Variants in FOLH1 observed in about 807,000 individuals in gnomAD.
The protein encoded by FOLH1 is glutamate carboxypeptidase 2.
In FOLH1, 54 loss-of-function variants were observed where a neutral mutation model predicts 93.9. That is an observed-to-expected ratio of 0.57 (90% CI 0.46 to 0.72). FOLH1 has a LOEUF of 0.72. Ranked by LOEUF, FOLH1 falls within the 30% of genes least tolerant of loss-of-function variation. The probability of loss-of-function intolerance (pLI) is 0.00; values close to 1 mark genes in which losing one functional copy is unlikely to be tolerated. For synonymous variants in FOLH1, 249 were observed against 303.6 expected, an observed-to-expected ratio of 0.82 and a Z score of 1.87; for missense variants, 571 against 892.5, an observed-to-expected ratio of 0.64 and a Z score of 4.59.
chr11:49,151,741 A>T (rs1016680785), intron 17 of FOLH1, among the ~76,000 whole-genome samples: 1 of 152,206 alleles, frequency 6.6e-6, no homozygotes, highest in Admixed American at 6.5e-5. Context: ...TGTGCCAAAC[A>T]ATAAGTGTCC....
At chr11:49,171,009 C>T (rs1859194762) in intron 11 of FOLH1, among the ~76,000 whole-genome samples, 186 bp downstream of exon 11, 1 of 152,128 alleles carries the variant, frequency 6.6e-6, no homozygotes, top group Admixed American at 6.5e-5. Flanking sequence ...TCAAACAAAA[C>T]TTAGTTCTTT....
rs370918056 is a variant in FOLH1, at chr11:49,183,175, T to C, written c.894A>G (p.Gly298=). ...CTAGGAGCTTCTGTGCATCATAGTATCCAATTGGATGAACAGGAATACTTG... is the reference window on the plus strand; with the variant it reads ...CTAGGAGCTTCTGTGCATCATAGTACCCAATTGGATGAACAGGAATACTTG... ...GLPSIPVHPI[G]YYDAQKLLEK... Residue 298 remains glycine (G), a synonymous_variant, in exon 7 of 19, where the codon GGA becomes GGG. Transcript: ENST00000256999. The C allele has an allele frequency of 5.0e-6, 8 of 1,612,660 alleles. No homozygotes were observed. Among genetic ancestry groups the C allele is most frequent in the Admixed American group, 1.7e-5 (1 of 59,886 alleles).
At chr11:49,182,062 C>A (rs1299031899) in intron 7 of FOLH1, among the ~76,000 whole-genome samples, 1 of 152,080 alleles carries the variant, frequency 6.6e-6, no homozygotes, top group Admixed American at 6.5e-5. Flanking sequence ...GGCGCAGTGC[C>A]TCATGCCTGT....
intron 17 of FOLH1, 26 bp from the exon 18 acceptor site, chr11:49,148,757 TA>T: frequency 1.3e-6 from 2 of 1,513,900 alleles, no homozygotes; most frequent in Middle Eastern, 1.7e-4. Flanking sequence ...AATATAATTA[TA>T]ACTTCATGAA....
Position 49,185,806 on chromosome 11 carries a change from T to A in FOLH1, c.689A>T (p.Asp230Val), listed in dbSNP as rs752494666. ...CCCAGGAGCAAAGTAGTCAGCAGGG[T>A]CGGAGTAGAGAATGACTCCTTTGGC... The part of the protein sequence containing the change: ...AGAKGVILYS[D>V]PADYFAPGVK... The change falls in exon 6 of 19, where the codon GAC (aspartate) becomes GTC (valine). Residue 230 changes from aspartate (D) to valine (V), a missense_variant. Around this residue, in one of 2 missense-constraint regions of FOLH1, gnomAD observed 500 missense variants for 822.9 expected, o/e 0.61. Coordinates refer to ENST00000256999, the MANE Select transcript of FOLH1 (RefSeq NM_004476.3). 6.2e-7 allele frequency: 1 copy of A among 1,602,686 alleles called. No homozygotes were observed. The highest frequency in any genetic ancestry group is 2.2e-5 in the East Asian group (1 of 44,640).
chr11:49,179,748 AAG>A (rs1490796581), intron 7 of FOLH1, among the ~76,000 whole-genome samples: 1 of 152,222 alleles, frequency 6.6e-6, no homozygotes, highest in Non-Finnish European at 1.5e-5. Context: ...CAAAGATTGA[AAG>A]AGAAATAATA....
At position 49,174,907 on chromosome 11, in the gene FOLH1, C is replaced by T. The variant is rs1412258599; in HGVS notation, c.1090G>A (p.Gly364Arg). The T allele has an allele frequency of 6.2e-7, 1 of 1,609,748 alleles. No homozygotes were observed. Among genetic ancestry groups the T allele is most frequent in the African/African-American group, 1.3e-5 (1 of 74,414 alleles). The change falls in exon 9 of 19, where the codon GGA becomes AGA. Residue 364 changes from glycine (G) to arginine (R), a missense_variant. Physicochemically the swap from Gly to Arg is moderately radical, Grantham distance 125 (BLOSUM62 -2). This residue lies in a region of FOLH1 where 500 missense variants were observed against 822.9 expected (regional missense o/e 0.61). Coordinates refer to ENST00000256999, the MANE Select transcript of FOLH1 (RefSeq NM_004476.3). ...RIYNVIGTLR[G>R]AVEPDRYVIL... ...ATTCCTTTACCTGGTTCCACTGCTC[C>T]TCTGAGAGTACCTATCACATTGTAA...
chr11:49,191,496 T>G (rs1418262039), intron 4 of FOLH1, among the ~76,000 whole-genome samples: 1 of 152,212 alleles, frequency 6.6e-6, no homozygotes, highest in African/African-American at 2.4e-5. Context: ...TGGAAGATTT[T>G]AAGTCTATTT....
rs1855754821 is a variant in FOLH1 at position 49,145,823 on chromosome 11, T to C, written c.*933A>G. 2.0e-5 allele frequency among the ~76,000 whole-genome samples: 3 copies of C among 152,334 alleles called. No homozygotes were observed. The highest frequency in any genetic ancestry group is 3.4e-3 in the Middle Eastern group (1 of 294). On this transcript the variant is annotated 3_prime_UTR_variant, in exon 19 of 19. Transcript: ENST00000256999. ...AACTTTCCCTATTCACATTACTGTA[T>C]GTTTTCTCTGTCTTGATGGACCCTG...
At chr11:49,173,289 T>C in intron 10 of FOLH1, 68 bp downstream of exon 10, 4 of 1,473,478 alleles carry the variant, frequency 2.7e-6, no homozygotes, top group Non-Finnish European at 3.6e-6. Context: ...ATTTTTATAC[T>C]CCCTTTACAG....
At chr11:49,153,486 C>T (rs1856682750) in intron 17 of FOLH1, among the ~76,000 whole-genome samples, 1 of 151,688 alleles carries the variant, frequency 6.6e-6, no homozygotes, top group Non-Finnish European at 1.5e-5. Context: ...AGTAGAGGAC[C>T]TTCAATGTTA....
In FOLH1 at chr11:49,146,703, CT is replaced by C; in HGVS notation, c.*52del. The C allele has an allele frequency of 6.6e-7, 1 of 1,526,498 alleles. No homozygotes were observed. Among genetic ancestry groups the C allele is most frequent in the Non-Finnish European group, 8.8e-7 (1 of 1,137,016 alleles). 94.6% of individuals were successfully genotyped at this position (1,526,498 alleles called of 1,614,324 possible). On this transcript the variant is annotated 3_prime_UTR_variant, in exon 19 of 19. Coordinates refer to ENST00000256999, the MANE Select transcript of FOLH1 (RefSeq NM_004476.3). ...ATTTATCAATATACCCATTACGATT[CT>C]TTCTGAGTGACATACCACACAAATT...
At position 49,208,391 on chromosome 11, in the gene FOLH1, C is replaced by G; in HGVS notation, c.19G>C (p.Glu7Gln). Residue 7 changes from glutamate (E) to glutamine (Q), a missense_variant, in exon 1 of 19, where the codon GAA becomes CAA. Physicochemically the swap from Glu to Gln is conservative, Grantham distance 29. Coordinates refer to ENST00000256999, the MANE Select transcript of FOLH1 (RefSeq NM_004476.3). ...GCGGTGGCCACAGCCGAGTCGGTTT[C>G]GTGAAGGAGATTCCACATCTCGGCG... is the stretch of plus-strand genomic sequence containing the variant. MWNLLH[E>Q]TDSAVATARR... The G allele has an allele frequency of 6.2e-7, 1 of 1,601,992 alleles. No homozygotes were observed. Among genetic ancestry groups the G allele is most frequent in the Non-Finnish European group, 8.5e-7 (1 of 1,172,876 alleles).
At chr11:49,154,881 A>G (rs1293045685) in intron 15 of FOLH1, among the ~76,000 whole-genome samples, 1 of 152,140 alleles carries the variant, frequency 6.6e-6, no homozygotes, top group African/African-American at 2.4e-5. Flanking sequence ...ACACAATATT[A>G]TATAGGAGAA....
intron 4 of FOLH1, among the ~76,000 whole-genome samples, chr11:49,191,397 A>T (rs1862021960): frequency 6.6e-6 from 1 of 152,244 alleles, no homozygotes; most frequent in Non-Finnish European, 1.5e-5. Flanking sequence ...TGATCCAGTG[A>T]GGAACACCGA....
rs1201355563 is a variant in FOLH1 at position 49,200,245 on chromosome 11, T to C, written c.411+10A>G. 1 of 1,498,436 alleles carries C rather than the reference T, an allele frequency of 6.7e-7. No homozygotes were observed. Among genetic ancestry groups the C allele is most frequent in the East Asian group, 2.5e-5 (1 of 40,266 alleles). The allele number at this position is 1,498,436 out of a possible 1,614,324, so 92.8% of individuals were successfully genotyped here. A position where few individuals can be genotyped will look rare whatever the true frequency, so the allele number is the denominator to read the frequency against. On this transcript the variant is annotated intron_variant, in intron 3 of 18. Transcript: ENST00000256999. ...GGAATGTTTCTTTTATTTATTTATT[T>C]ATTTTTTACCTCATTTCCATCTTCA... is the stretch of plus-strand genomic sequence containing the variant.
intron 3 of FOLH1, among the ~76,000 whole-genome samples, chr11:49,193,241 A>C (rs1436674070): frequency 6.6e-6 from 1 of 152,232 alleles, no homozygotes; most frequent in Non-Finnish European, 1.5e-5. Flanking sequence ...TACTCTTCCA[A>C]AAGGAATACT....
At chr11:49,163,749 T>G (rs1476894928) in intron 13 of FOLH1, among the ~76,000 whole-genome samples, 16 of 151,994 alleles carry the variant, frequency 1.1e-4, no homozygotes, top group Admixed American at 1.0e-3. Context: ...TATCTAAAGC[T>G]CCTGTGTCTC....
intron 1 of FOLH1, 50 bp from the exon 2 acceptor site, chr11:49,206,222 A>G (rs765275430): frequency 6.2e-7 from 1 of 1,605,830 alleles, no homozygotes; most frequent in Non-Finnish European, 8.5e-7. Flanking sequence ...TATAGATAGG[A>G]CTTATTTTTC....
Sources: gnomAD v4.1 joint callset for allele counts (sites outside exome capture counted in the v4.1 genomes callset) on GRCh38, gnomAD v4.1.1 for gene constraint, gnomAD v4.1.1 regional missense constraint, MANE v1.5 for transcripts, NCBI Gene and HGNC (gene_info 2026-07-23, HGNC 2026-07-21) for gene names.